Variants in MGST2 observed in about 807,000 individuals in gnomAD.
MGST2 encodes glutathione peroxidase MGST2.
MGST2 carries 9 observed loss-of-function variants against 16.6 expected under a neutral mutation model. The ratio of observed to expected loss-of-function variants is 0.54; its 90% CI spans 0.33 to 0.95. The LOEUF is 0.95. MGST2 is among the 40% of genes least tolerant of loss of function. MGST2 has a pLI of 0.03. For missense variants in MGST2, 159 were observed against 175.1 expected (o/e 0.91, Z 0.52); for synonymous variants, 79 against 68.0 (o/e 1.16, Z -0.79).
rs116696760 is a variant in MGST2, at chr4:139,735,005, C to T, written c.*49-5207C>T. On this transcript the variant is annotated intron_variant, in intron 5 of 5. Transcript: ENST00000616265. This position sits in a 1 kb window ranked among gnomAD's most constrained non-coding sequence, Gnocchi z 5.8. ...GGTGGTGTCAGCCCGGCCTCGTGCC[C>T]GGCCGCCGCTGCGCCCGCGCCCCCT... Among the ~76,000 whole-genome samples the T allele has an allele frequency of 0.014, 2,065 of 152,320 alleles. 51 individuals are homozygous for T. Among genetic ancestry groups the T allele is most frequent in the African/African-American group, 0.047 (1,941 of 41,576 alleles).
chr4:139,751,151 G>A, the MGST2 span, among the ~76,000 whole-genome samples: 1 of 152,160 alleles, frequency 6.6e-6, no homozygotes, highest in Non-Finnish European at 1.5e-5. Context: ...AAATGCCTCT[G>A]AAAAATATCT....
chr4:139,740,600 C>T (rs1729133132), exon 6 of MGST2: 1 of 152,102 alleles, frequency 6.6e-6, no homozygotes, highest in South Asian at 2.1e-4. Flanking sequence ...TTGTACCCAC[C>T]CTTTCTGATG....
chr4:139,730,802 T>C (rs1728675795), intron 5 of MGST2: 3 of 754,460 alleles, frequency 4.0e-6, no homozygotes. Flanking sequence ...GTGGCACGCA[T>C]TGCATTTCCA....
intron 2 of MGST2, among the ~76,000 whole-genome samples, chr4:139,694,069 T>G (rs1169785733): frequency 1.3e-5 from 2 of 152,174 alleles, no homozygotes; most frequent in Non-Finnish European, 2.9e-5. Context: ...GAGTTATTAT[T>G]GGGGAGTTTT....
intron 1 of MGST2, among the ~76,000 whole-genome samples, chr4:139,666,372 A>C (rs909444062): frequency 6.6e-6 from 1 of 152,010 alleles, no homozygotes; most frequent in Admixed American, 6.6e-5. Context: ...TGTGATTACG[A>C]CCCACAGCCC....
At chr4:139,708,589 A>G (rs572492108), downstream of MGST2, among the ~76,000 whole-genome samples, 2 of 152,128 alleles carry the variant, frequency 1.3e-5, no homozygotes, top group Admixed American at 6.5e-5. Context: ...GTTTTTTCCA[A>G]TTCTGTGAAG....
intron 2 of MGST2, among the ~76,000 whole-genome samples, chr4:139,690,197 G>A (rs988304592): frequency 1.3e-5 from 2 of 152,144 alleles, no homozygotes; most frequent in African/African-American, 4.8e-5. Context: ...TCACCATATT[G>A]TCCAGGCTGG....
chr4:139,671,637 G>A (rs984349242), intron 1 of MGST2, among the ~76,000 whole-genome samples: 1 of 151,080 alleles, frequency 6.6e-6, no homozygotes, highest in Non-Finnish European at 1.5e-5. Context: ...GCTAATTTTT[G>A]TTGTTGTTCT....
intron 1 of MGST2, among the ~76,000 whole-genome samples, chr4:139,675,717 C>T (rs558998975): frequency 2.6e-5 from 4 of 152,272 alleles, no homozygotes; most frequent in South Asian, 2.1e-4. Flanking sequence ...GAGGACTGAG[C>T]GCGCCGGGGA....
downstream of MGST2, among the ~76,000 whole-genome samples, chr4:139,742,512 C>T (rs1166573058): frequency 1.3e-5 from 2 of 152,160 alleles, no homozygotes; most frequent in Non-Finnish European, 2.9e-5. Flanking sequence ...CAGTGCTTGG[C>T]TTATAGTAGG....
intron 5 of MGST2, among the ~76,000 whole-genome samples, chr4:139,722,620 T>A (rs1380759305): frequency 1.3e-5 from 2 of 152,190 alleles, no homozygotes; most frequent in African/African-American, 4.8e-5. Flanking sequence ...TGTTCTATTT[T>A]CACTCACAAG....
At chr4:139,689,623 T>G (rs1726453746) in intron 2 of MGST2, among the ~76,000 whole-genome samples, 1 of 152,110 alleles carries the variant, frequency 6.6e-6, no homozygotes, top group African/African-American at 2.4e-5. Flanking sequence ...TGGTTCAGGA[T>G]GAGTCACCTA....
At chr4:139,753,341 A>T in the MGST2 span, among the ~76,000 whole-genome samples, 5 of 146,578 alleles carry the variant, frequency 3.4e-5, no homozygotes, top group East Asian at 6.1e-4. Context: ...TTTTCTTTTT[A>T]ATCTATCTAT....
the MGST2 span, among the ~76,000 whole-genome samples, chr4:139,750,471 G>A: frequency 2.6e-5 from 4 of 152,104 alleles, no homozygotes; most frequent in African/African-American, 9.7e-5. Flanking sequence ...GTGCAGTTTT[G>A]GGCTTTCTTC....
chr4:139,725,764 G>T, intron 5 of MGST2: 2 of 1,613,910 alleles, frequency 1.2e-6, no homozygotes, highest in South Asian at 2.2e-5. Flanking sequence ...GAAACTGATT[G>T]ACCTGCTGCA....
At chr4:139,709,984 G>A (rs577834173) in intron 5 of MGST2, among the ~76,000 whole-genome samples, 2 of 152,244 alleles carry the variant, frequency 1.3e-5, no homozygotes, top group African/African-American at 4.8e-5. Flanking sequence ...GGACAAAATC[G>A]GATTTACAAA....
intron 1 of MGST2, among the ~76,000 whole-genome samples, chr4:139,676,649 C>T (rs1326614622): frequency 6.6e-6 from 1 of 152,124 alleles, no homozygotes; most frequent in African/African-American, 2.4e-5. Context: ...AAAAAAACAC[C>T]TTCACAGCAA....
chr4:139,737,565 T>A (rs546254336), intron 5 of MGST2, among the ~76,000 whole-genome samples: 79 of 152,110 alleles, frequency 5.2e-4, no homozygotes, highest in African/African-American at 1.5e-3. Context: ...TCATTTTTTT[T>A]AATATGTTGT....
At chr4:139,742,180 G>A (rs189711136), downstream of MGST2, among the ~76,000 whole-genome samples, 922 of 143,714 alleles carry the variant, frequency 6.4e-3, 5 homozygotes, top group African/African-American at 0.021. Context: ...AGAGAGTCTC[G>A]CTCTGTCAGC....
Sources: gnomAD v4.1 joint callset for allele counts (sites outside exome capture counted in the v4.1 genomes callset) on GRCh38, gnomAD v4.1.1 for gene constraint, Gnocchi (gnomAD v3.1) non-coding constraint, MANE v1.5 for transcripts, NCBI Gene and HGNC (gene_info 2026-07-23, HGNC 2026-07-21) for gene names.